Variants in MOK observed in about 807,000 individuals in gnomAD.
MOK encodes the protein MOK protein kinase.
A neutral mutation model predicts 54.2 loss-of-function variants in MOK; 59 were observed. The ratio of observed to expected loss-of-function variants is 1.09; its 90% CI spans 0.88 to 1.35. The LOEUF is 1.35. Ranked by LOEUF, MOK falls within the 40% of genes most tolerant of loss-of-function variation. MOK has a pLI of 0.00. For missense variants in MOK, 517 were observed against 526.2 expected, an observed-to-expected ratio of 0.98 and a Z score of 0.17; for synonymous variants, 210 against 202.7, an observed-to-expected ratio of 1.04 and a Z score of -0.31.
chr14:102,277,118 C>T lies in MOK; in HGVS notation c.122+6360G>A, dbSNP rs1000775890. On this transcript the variant is annotated intron_variant, in intron 2 of 11. Transcript: ENST00000361847. ...TGTCATCCAGCCTGGTCTCAAATTC[C>T]TGGGCTCAAGCAATCCTCACGCCTC... is the stretch of plus-strand genomic sequence containing the variant. Among the ~76,000 whole-genome samples the T allele has an allele frequency of 3.4e-4, 52 of 151,158 alleles. 1 individual carries two copies. Among genetic ancestry groups the T allele is most frequent in the African/African-American group, 1.2e-3 (50 of 41,196 alleles).
At chr14:102,218,135 C>T in the MOK span, among the ~76,000 whole-genome samples, 28 of 152,346 alleles carry the variant, frequency 1.8e-4, no homozygotes, top group Admixed American at 1.2e-3. Context: ...TCTGCCCGCC[C>T]GCGTGCCTGC....
chr14:102,265,778 T>A (rs778872864), intron 3 of MOK, 45 bp downstream of exon 3: 1 of 1,482,748 alleles, frequency 6.7e-7, no homozygotes, highest in African/African-American at 1.4e-5. Context: ...AAAGAGATTA[T>A]TTTCATCAAA....
intron 7 of MOK, among the ~76,000 whole-genome samples, chr14:102,243,327 T>TA (rs2065857173): frequency 6.6e-6 from 1 of 152,188 alleles, no homozygotes; most frequent in African/African-American, 2.4e-5. Context: ...TAGCTCTCCC[T>TA]AACTCATCCC....
At chr14:102,234,554 C>T (rs368579296) in intron 7 of MOK, among the ~76,000 whole-genome samples, 12 of 152,194 alleles carry the variant, frequency 7.9e-5, no homozygotes, top group East Asian at 3.9e-4. Context: ...ACAAGTTCCG[C>T]GGGAAAGGGG....
At position 102,238,840 on chromosome 14, in the gene MOK, A is replaced by G. The variant is rs1294774081; in HGVS notation, c.591-5051T>C. On this transcript the variant is annotated intron_variant, in intron 7 of 11. Transcript: ENST00000361847. This position sits in a 1 kb window ranked among gnomAD's most constrained non-coding sequence, Gnocchi z 4.8. ...AAAGTATAACTTCAAAATGTCATAT[A>G]TGCTCTGTCACCTCCTCTCAAGGAG... 6.6e-6 allele frequency among the ~76,000 whole-genome samples: 1 copy of G among 152,084 alleles called. No homozygotes were observed. The highest frequency in any genetic ancestry group is 2.4e-5 in the African/African-American group (1 of 41,406).
chr14:102,292,553 T>TC (rs1289749811), intron 1 of MOK, among the ~76,000 whole-genome samples: 4 of 152,094 alleles, frequency 2.6e-5, no homozygotes, highest in Non-Finnish European at 4.4e-5. Flanking sequence ...TACATGGTGC[T>TC]CTGGATTCCA....
chr14:102,297,977 C>T (rs2071639151), intron 1 of MOK, among the ~76,000 whole-genome samples: 1 of 152,226 alleles, frequency 6.6e-6, no homozygotes, highest in South Asian at 2.1e-4. Context: ...CCAACCCCCG[C>T]TGTGGGCTCC....
chr14:102,234,320 C>T (rs2065021730), intron 7 of MOK, among the ~76,000 whole-genome samples: 1 of 151,956 alleles, frequency 6.6e-6, no homozygotes, highest in Non-Finnish European at 1.5e-5. Context: ...CTGCCAAAGA[C>T]CCAGACAATC....
intron 2 of MOK, among the ~76,000 whole-genome samples, chr14:102,280,032 T>C (rs911398879): frequency 6.6e-6 from 1 of 151,752 alleles, no homozygotes; most frequent in Non-Finnish European, 1.5e-5. Context: ...CACACAACTG[T>C]GCAAGGTGAC....
At chr14:102,273,336 C>T (rs1371849297) in intron 2 of MOK, among the ~76,000 whole-genome samples, 3 of 143,676 alleles carry the variant, frequency 2.1e-5, no homozygotes, top group Non-Finnish European at 3.1e-5. Flanking sequence ...ACAAAGTAAA[C>T]AAAAATTAAT....
chr14:102,224,463 G>GTTTA (rs773659300), downstream of MOK: 18 of 409,568 alleles, frequency 4.4e-5, no homozygotes, highest in Non-Finnish European at 3.9e-5. Context: ...GCAGAAGAAT[G>GTTTA]TTTATTTATT....
chr14:102,214,784 T>C, the MOK span: 1 of 978,972 alleles, frequency 1.0e-6, no homozygotes, highest in Non-Finnish European at 1.2e-6. Flanking sequence ...TATTGGTAAA[T>C]TAAATTCTTT....
intron 6 of MOK, 36 bp downstream of exon 6, chr14:102,251,720 T>C: frequency 6.6e-7 from 1 of 1,514,882 alleles, no homozygotes; most frequent in Non-Finnish European, 9.1e-7. Context: ...ATTCAGCTTT[T>C]ATTCTGATAC....
At chr14:102,222,300 AG>A (rs2063984569), downstream of MOK, among the ~76,000 whole-genome samples, 1 of 152,226 alleles carries the variant, frequency 6.6e-6, no homozygotes. This position sits in a 1 kb window ranked among gnomAD's most constrained non-coding sequence, Gnocchi z 4.4. Flanking sequence ...ACATGTGGAC[AG>A]CTACAGCCAG....
intron 1 of MOK, among the ~76,000 whole-genome samples, chr14:102,291,596 A>G (rs2070760898): frequency 6.6e-6 from 1 of 152,186 alleles, no homozygotes; most frequent in South Asian, 2.1e-4. Flanking sequence ...ATTTCTCTAC[A>G]AGAAGATCAG....
chr14:102,258,682 T>C (rs1327689570), intron 4 of MOK, among the ~76,000 whole-genome samples: 3 of 152,226 alleles, frequency 2.0e-5, no homozygotes, highest in Non-Finnish European at 4.4e-5. Context: ...CTCTGCCTCA[T>C]CTGACACCTG....
Position 102,283,510 on chromosome 14 carries a change from A to C in MOK, c.90T>G (p.Tyr30Ter). The C allele has an allele frequency of 5.0e-6, 8 of 1,613,578 alleles. No individual in the cohort carries two copies. Among genetic ancestry groups the C allele is most frequent in the South Asian group, 2.2e-5 (2 of 90,978 alleles). ...AGCGCTGCTTCATTTGTTTACATGC[A>C]TAGTAGTTTCCATCTCTCAGGCTTT... ...KMQSLRDGNY[Y>*]ACKQMKQRFE... Residue 30 changes from tyrosine to a stop codon, truncating the protein, a stop_gained, in exon 2 of 12, where the codon TAT (tyrosine) becomes TAG (stop). Coordinates refer to ENST00000361847, the MANE Select transcript of MOK (RefSeq NM_014226.3). LOFTEE classifies it high-confidence loss of function.
intron 4 of MOK, among the ~76,000 whole-genome samples, chr14:102,261,444 T>A (rs1257710410): frequency 2.9e-5 from 3 of 105,190 alleles, no homozygotes; most frequent in East Asian, 5.8e-4. Context: ...TATATATATA[T>A]ATATATATAT....
At chr14:102,299,932 G>A (rs539763050) in intron 1 of MOK, among the ~76,000 whole-genome samples, 1 of 152,206 alleles carries the variant, frequency 6.6e-6, no homozygotes, top group East Asian at 1.9e-4. Context: ...AAAAAGTTGA[G>A]ACAGGACCAG....
Sources: allele counts gnomAD v4.1 joint callset (sites outside exome capture counted in the v4.1 genomes callset), GRCh38; gene constraint gnomAD v4.1.1; non-coding constraint Gnocchi (gnomAD v3.1); transcripts MANE v1.5; gene names NCBI Gene and HGNC (gene_info 2026-07-23, HGNC 2026-07-21).